The following FAM107B variants were observed in gnomAD, a reference collection of about 807,000 sequenced individuals.
FAM107B encodes the protein family with sequence similarity 107 member B.
Under a neutral mutation model 31.5 loss-of-function variants are expected in FAM107B, and 21 were observed. That is an observed-to-expected ratio of 0.67 (90% CI 0.47 to 0.96). FAM107B has a LOEUF of 0.96. FAM107B is among the 40% of genes least tolerant of loss of function. FAM107B has a pLI of 0.00. For missense variants in FAM107B, 452 were observed against 377.1 expected, an observed-to-expected ratio of 1.20 and a Z score of -1.64; for synonymous variants, 157 against 141.5, an observed-to-expected ratio of 1.11 and a Z score of -0.78.
In FAM107B at chr10:14,662,756, T is replaced by C. The variant is rs141043763; in HGVS notation, c.469+4878A>G. 1.2e-3 allele frequency among the ~76,000 whole-genome samples: 177 copies of C among 152,298 alleles called. 1 individual carries two copies. The highest frequency in any genetic ancestry group is 3.9e-3 in the African/African-American group (162 of 41,558). Reference sequence around the variant, plus strand: ...GCCTGAGTGCATGCCCTTCTGATGATAGAGAAACTGGGAAGCGAAGGTGTA... The same window carrying C: ...GCCTGAGTGCATGCCCTTCTGATGACAGAGAAACTGGGAAGCGAAGGTGTA... On this transcript the variant is annotated intron_variant, in intron 2 of 4. Transcript: ENST00000181796.
intron 2 of FAM107B, among the ~76,000 whole-genome samples, chr10:14,537,022 G>C (rs1237728285): frequency 6.6e-6 from 1 of 152,110 alleles, no homozygotes; most frequent in Non-Finnish European, 1.5e-5. Flanking sequence ...CAACTAAGGA[G>C]GGCAAGAAAC....
At chr10:14,772,362 AAT>A (rs1554759098) in intron 1 of FAM107B, among the ~76,000 whole-genome samples, 50 of 145,430 alleles carry the variant, frequency 3.4e-4, no homozygotes, top group Admixed American at 4.1e-4. Flanking sequence ...TTAAAAAAAA[AAT>A]ATATATATAT....
chr10:14,694,371 C>T (rs551236331), intron 1 of FAM107B, among the ~76,000 whole-genome samples: 11 of 152,206 alleles, frequency 7.2e-5, no homozygotes, highest in South Asian at 2.1e-4. Context: ...GCACTCTCAC[C>T]GATATTTGTT....
At chr10:14,581,718 T>A (rs570344992) in intron 2 of FAM107B, among the ~76,000 whole-genome samples, 1 of 152,292 alleles carries the variant, frequency 6.6e-6, no homozygotes, top group South Asian at 2.1e-4. Flanking sequence ...CTGGGCACCA[T>A]AGCAAGACCC....
chr10:14,617,322 T>C (rs1588661090), intron 2 of FAM107B, among the ~76,000 whole-genome samples: 1 of 152,158 alleles, frequency 6.6e-6, no homozygotes, highest in South Asian at 2.1e-4. Flanking sequence ...AGAAGGGGCT[T>C]GCACTTGAAG....
chr10:14,680,468 G>T (rs1351514382), intron 1 of FAM107B, among the ~76,000 whole-genome samples: 1 of 151,928 alleles, frequency 6.6e-6, no homozygotes, highest in Non-Finnish European at 1.5e-5. Context: ...CAGCTACTCG[G>T]GAGGCTGAGG....
intron 2 of FAM107B, among the ~76,000 whole-genome samples, chr10:14,628,440 A>C (rs1029504649): frequency 2.0e-5 from 3 of 152,014 alleles, no homozygotes; most frequent in Non-Finnish European, 4.4e-5. Context: ...TTTCCTACCC[A>C]GATGGGTCTT....
chr10:14,741,900 G>T (rs1856448610), intron 1 of FAM107B, among the ~76,000 whole-genome samples: 1 of 151,442 alleles, frequency 6.6e-6, no homozygotes, highest in African/African-American at 2.4e-5. Context: ...TAGAGACGGG[G>T]TTTCTACTAA....
chr10:14,684,999 T>C (rs1411678286), intron 1 of FAM107B, among the ~76,000 whole-genome samples: 1 of 152,050 alleles, frequency 6.6e-6, no homozygotes, highest in African/African-American at 2.4e-5. Context: ...TTTTAAATTA[T>C]TTTAAATTAT....
At chr10:14,565,731 T>C (rs116473707) in intron 2 of FAM107B, among the ~76,000 whole-genome samples, 263 of 151,972 alleles carry the variant, frequency 1.7e-3, no homozygotes, top group African/African-American at 5.8e-3. Context: ...AAAAGTGTCC[T>C]CAAAATACCC....
Position 14,518,942 on chromosome 10 carries a change from G to A in FAM107B, c.*2248C>T, listed in dbSNP as rs1195784244. 4 of 152,616 alleles carry A rather than the reference G, an allele frequency of 2.6e-5. No individual in the cohort carries two copies. The highest frequency in any genetic ancestry group is 1.3e-4 in the Admixed American group (2 of 15,278). 9.5% of individuals were successfully genotyped at this position (152,616 alleles called of 1,614,324 possible). A position where few individuals can be genotyped will look rare whatever the true frequency, so the allele number is the denominator to read the frequency against. On this transcript the variant is annotated 3_prime_UTR_variant, in exon 5 of 5. Coordinates refer to ENST00000181796, the MANE Select transcript of FAM107B (RefSeq NM_031453.4). ...GGAGTTTGGGCTGCACAGTATTAAG[G>A]GGTGAGAGGAGACCGACAGCCTGTT...
At chr10:14,670,604 C>T (rs903073816) in intron 1 of FAM107B, among the ~76,000 whole-genome samples, 3 of 152,178 alleles carry the variant, frequency 2.0e-5, no homozygotes, top group Admixed American at 1.3e-4. Context: ...CCCTTTGAGC[C>T]AGTAAGACTG....
intron 1 of FAM107B, among the ~76,000 whole-genome samples, chr10:14,669,600 C>A (rs1854495267): frequency 6.6e-6 from 1 of 152,160 alleles, no homozygotes; most frequent in African/African-American, 2.4e-5. Context: ...TCATTTGCAG[C>A]AACATGGATG....
intron 2 of FAM107B, among the ~76,000 whole-genome samples, chr10:14,638,755 A>G (rs1354529294): frequency 1.3e-5 from 2 of 152,016 alleles, no homozygotes; most frequent in Admixed American, 6.6e-5. Context: ...GCTGCAGCCA[A>G]TATCCCCCTA....
chr10:14,692,736 G>A lies in FAM107B; in HGVS notation c.412-25045C>T, dbSNP rs1359852. 6.4e-3 allele frequency among the ~76,000 whole-genome samples: 973 copies of A among 152,308 alleles called. 25 individuals are homozygous for A. Among genetic ancestry groups the A allele is most frequent in the Admixed American group, 0.044 (673 of 15,294 alleles). ...AATTGATCAACAAAGAAAGGTGGGT[G>A]AGGCAGTGGGCTCTGAGCTTCAAAT... On this transcript the variant is annotated intron_variant, in intron 1 of 4. Coordinates refer to ENST00000181796, the MANE Select transcript of FAM107B (RefSeq NM_031453.4).
At chr10:14,630,145 T>G (rs1394749449) in intron 2 of FAM107B, among the ~76,000 whole-genome samples, 1 of 152,132 alleles carries the variant, frequency 6.6e-6, no homozygotes, top group Non-Finnish European at 1.5e-5. Context: ...GAATCAAGAC[T>G]TTTAAGAAAA....
At chr10:14,755,910 C>T (rs890833164) in intron 1 of FAM107B, among the ~76,000 whole-genome samples, 4 of 152,168 alleles carry the variant, frequency 2.6e-5, no homozygotes, top group Non-Finnish European at 2.9e-5. Flanking sequence ...CCATTGAGCA[C>T]GTTGGTGGGG....
intron 2 of FAM107B, among the ~76,000 whole-genome samples, chr10:14,537,786 GATTGCGCC>G (rs767979958): frequency 4.3e-4 from 63 of 145,072 alleles, no homozygotes; most frequent in Non-Finnish European, 6.9e-4. Flanking sequence ...AGTGGGCTGA[GATTGCGCC>G]ACTGCACTCC....
In FAM107B at chr10:14,519,978, A is replaced by C. The variant is rs920291069; in HGVS notation, c.*1212T>G. On this transcript the variant is annotated 3_prime_UTR_variant, in exon 5 of 5. Transcript: ENST00000181796. The stretch of plus-strand genomic sequence containing the variant: ...GCGTGCTGCTAGCTAGAACAAGGGA[A>C]CTCAGCAGCCCCTCCCTTCCCATCA... 1 of 152,542 alleles carries C rather than the reference A, an allele frequency of 6.6e-6. No homozygotes were observed. The allele number at this position is 152,542 out of a possible 1,614,324, so 9.4% of individuals were successfully genotyped here.
Sources: allele counts gnomAD v4.1 joint callset (sites outside exome capture counted in the v4.1 genomes callset), GRCh38; gene constraint gnomAD v4.1.1; transcripts MANE v1.5; gene names NCBI Gene and HGNC (gene_info 2026-07-23, HGNC 2026-07-21).